The following DGKH variants were observed in gnomAD, a reference collection of about 807,000 sequenced individuals.
DGKH encodes the protein diacylglycerol kinase eta, also known as DAG kinase eta.
DGKH carries 90 observed loss-of-function variants against 159.3 expected under a neutral mutation model. The ratio of observed to expected loss-of-function variants is 0.57; its 90% confidence interval spans 0.48 to 0.67. The LOEUF (loss-of-function observed/expected upper bound fraction) is 0.67, where lower values mean the gene tolerates loss of function less well. Among genes scored for constraint, DGKH ranks in the 30% least tolerant of loss-of-function variants. The pLI is 0.00. For missense variants in DGKH, 1,181 were observed against 1,506.1 expected, an observed-to-expected ratio of 0.78 and a Z score of 3.57; for synonymous variants, 536 against 553.8, an observed-to-expected ratio of 0.97 and a Z score of 0.45.
chr13:42,072,267 C>T (rs1350931793), intron 1 of DGKH, among the ~76,000 whole-genome samples: 2 of 152,094 alleles, frequency 1.3e-5, no homozygotes, highest in African/African-American at 2.4e-5. Context: ...GGTCTTAAAT[C>T]CCAGTTGTCC....
chr13:42,229,006 CT>C, intron 29 of DGKH, 92 bp from the exon 30 acceptor site: 6 of 1,104,038 alleles, frequency 5.4e-6, no homozygotes, highest in Non-Finnish European at 6.4e-6. Flanking sequence ...TTTCAATAAA[CT>C]TTTTTCCTTT....
chr13:42,059,473 C>T (rs571066584), intron 1 of DGKH, among the ~76,000 whole-genome samples: 1 of 152,272 alleles, frequency 6.6e-6, no homozygotes, highest in East Asian at 1.9e-4. Flanking sequence ...TGTTCTTGAA[C>T]TCCTAACTTC....
chr13:42,146,825 G>C (rs1955747611), intron 3 of DGKH, among the ~76,000 whole-genome samples: 2 of 152,184 alleles, frequency 1.3e-5, no homozygotes, highest in South Asian at 4.1e-4. Context: ...TCAGTAGCTG[G>C]GGGCAGGCTT....
chr13:42,218,176 C>G (rs1957855425), intron 26 of DGKH, among the ~76,000 whole-genome samples: 1 of 152,192 alleles, frequency 6.6e-6, no homozygotes, highest in African/African-American at 2.4e-5. Context: ...CCTTCCAGTT[C>G]TGTGCAGAGG....
At chr13:42,219,991 A>G (rs1266566746) in intron 28 of DGKH, among the ~76,000 whole-genome samples, 197 bp downstream of exon 28, 1 of 152,198 alleles carries the variant, frequency 6.6e-6, no homozygotes, top group Non-Finnish European at 1.5e-5. Flanking sequence ...ATTTTACCAT[A>G]AAAGAATCCT....
Position 42,067,591 on chromosome 13 carries a change from C to T in DGKH, c.192+18626C>T, listed in dbSNP as rs548064940. 1.1e-4 allele frequency among the ~76,000 whole-genome samples: 17 copies of T among 152,194 alleles called. No individual in the cohort carries two copies. The South Asian group carries it at 2.9e-3, about 26-fold the overall frequency. ...AAATAGATACCATTGTGTGTGCTAA[C>T]GCCAACATTTTATATTACCTCTTAA... is the stretch of plus-strand genomic sequence containing the variant. On this transcript the variant is annotated intron_variant, in intron 1 of 29. Coordinates refer to ENST00000337343, the MANE Select transcript of DGKH (RefSeq NM_178009.5).
At chr13:42,043,432 C>T (rs1442842491) in intron 1 of DGKH, among the ~76,000 whole-genome samples, 1 of 151,252 alleles carries the variant, frequency 6.6e-6, no homozygotes, top group Non-Finnish European at 1.5e-5. Flanking sequence ...TAGCTCACTG[C>T]AGCCAGGAGG....
chr13:42,246,538 A>G (rs1484358604), downstream of DGKH, among the ~76,000 whole-genome samples: 3 of 152,176 alleles, frequency 2.0e-5, no homozygotes, highest in Non-Finnish European at 2.9e-5. Context: ...CCGTGAGTTT[A>G]TTATTAGCCC....
At chr13:42,060,333 T>C (rs1177768216) in intron 1 of DGKH, among the ~76,000 whole-genome samples, 1 of 152,224 alleles carries the variant, frequency 6.6e-6, no homozygotes, top group Non-Finnish European at 1.5e-5. Context: ...TAAGTTAATG[T>C]GATTAATTAG....
intron 1 of DGKH, among the ~76,000 whole-genome samples, chr13:42,064,014 C>CA (rs1566082140): frequency 2.0e-5 from 3 of 151,074 alleles, no homozygotes; most frequent in African/African-American, 7.3e-5. Context: ...TTAAATGATG[C>CA]AAAAAAAGAG....
Position 42,215,695 on chromosome 13 carries a change from A to G in DGKH, c.3213+28A>G, listed in dbSNP as rs773411102. The G allele has an allele frequency of 1.2e-5, 19 of 1,571,008 alleles. No homozygotes were observed. In the East Asian group the frequency reaches 4.3e-4, roughly 35 times the overall value. ...AAGGAAAAGAATGACTGGTAACATA[A>G]GAATGATGAATTAAATGTCTGGGTC... On this transcript the variant is annotated intron_variant, in intron 26 of 29. Transcript: ENST00000337343.
intron 3 of DGKH, among the ~76,000 whole-genome samples, chr13:42,137,708 A>C (rs561312641): frequency 1.3e-5 from 2 of 152,314 alleles, no homozygotes; most frequent in African/African-American, 4.8e-5. Context: ...AGAATATTTC[A>C]TTGTATTTTG....
intron 1 of DGKH, among the ~76,000 whole-genome samples, chr13:42,124,862 T>C (rs1955140242): frequency 6.6e-6 from 1 of 152,350 alleles, no homozygotes; most frequent in East Asian, 1.9e-4. Flanking sequence ...GGAGCACTTT[T>C]AGCTGCTGCC....
intron 3 of DGKH, among the ~76,000 whole-genome samples, chr13:42,133,232 G>A (rs1193072134): frequency 6.6e-6 from 1 of 151,730 alleles, no homozygotes; most frequent in Non-Finnish European, 1.5e-5. Flanking sequence ...TGAGGATAGG[G>A]ACTCTGTCAT....
intron 3 of DGKH, among the ~76,000 whole-genome samples, chr13:42,134,827 A>G (rs557509969): frequency 6.6e-6 from 1 of 152,272 alleles, no homozygotes; most frequent in East Asian, 1.9e-4. Context: ...ATATACAAAA[A>G]TTAGCTGGAC....
At chr13:42,073,234 G>C (rs1593987466) in intron 1 of DGKH, among the ~76,000 whole-genome samples, 1 of 152,258 alleles carries the variant, frequency 6.6e-6, no homozygotes, top group East Asian at 1.9e-4. Context: ...TTTAGAGCAG[G>C]GTATGCAGTG....
In DGKH at chr13:42,076,473, T is replaced by C. The variant is rs931995844; in HGVS notation, c.192+27508T>C. Among the ~76,000 whole-genome samples the C allele has an allele frequency of 3.3e-5, 5 of 152,162 alleles. No homozygotes were observed. The East Asian group carries it at 7.7e-4, about 23-fold the overall frequency. On this transcript the variant is annotated intron_variant, in intron 1 of 29. Transcript: ENST00000337343. The stretch of plus-strand genomic sequence containing the variant: ...GAGAAAAGAAAATCAACCCCCAACA[T>C]AGAGCTGGAGGGAGAAAGACACGGT...
chr13:42,064,544 G>A (rs1882419394), intron 1 of DGKH, among the ~76,000 whole-genome samples: 1 of 152,144 alleles, frequency 6.6e-6, no homozygotes, highest in Admixed American at 6.5e-5. Flanking sequence ...GATGAAGAGT[G>A]AGGGCTCGAG....
At chr13:42,107,012 C>T (rs1455346715) in intron 1 of DGKH, among the ~76,000 whole-genome samples, 1 of 152,144 alleles carries the variant, frequency 6.6e-6, no homozygotes, top group African/African-American at 2.4e-5. Flanking sequence ...CCACTGCACT[C>T]CAGCCTGGGC....
Sources: gnomAD v4.1 joint callset for allele counts (sites outside exome capture counted in the v4.1 genomes callset) on GRCh38, gnomAD v4.1.1 for gene constraint, MANE v1.5 for transcripts, NCBI Gene and HGNC (gene_info 2026-07-23, HGNC 2026-07-21) for gene names.